The following CCDC158 variants were observed in gnomAD, a reference collection of about 807,000 sequenced individuals.
CCDC158 encodes the protein coiled-coil domain containing 158.
Under a neutral mutation model 138.6 loss-of-function variants are expected in CCDC158, and 116 were observed. The observed-to-expected ratio is 0.84, with a 90% confidence interval of 0.72 to 0.98. CCDC158 has a LOEUF of 0.98. CCDC158 is among the 50% of genes least tolerant of loss of function. The probability of loss-of-function intolerance (pLI) is 0.00; values close to 1 mark genes in which losing one functional copy is unlikely to be tolerated. For missense variants in CCDC158, 1,265 were observed against 1,306.1 expected, an observed-to-expected ratio of 0.97 and a Z score of 0.48; for synonymous variants, 436 against 442.4, an observed-to-expected ratio of 0.99 and a Z score of 0.18.
intron 1 of CCDC158, among the ~76,000 whole-genome samples, chr4:76,417,832 T>C (rs1174868509): frequency 1.3e-5 from 2 of 152,082 alleles, no homozygotes; most frequent in African/African-American, 4.8e-5. Context: ...TTAAAAGAAA[T>C]GCCATCACAA....
At chr4:76,359,525 T>C (rs939011938) in intron 13 of CCDC158, among the ~76,000 whole-genome samples, 1 of 152,210 alleles carries the variant, frequency 6.6e-6, no homozygotes, top group African/African-American at 2.4e-5. Context: ...AAGTCTCAGA[T>C]GGAGATGAGG....
At chr4:76,355,205 A>T in intron 15 of CCDC158, 119 bp downstream of exon 15, 1 of 677,482 alleles carries the variant, frequency 1.5e-6, no homozygotes, top group Non-Finnish European at 2.6e-6. Context: ...TTGTTCTCTC[A>T]CCTAGAAATA....
chr4:76,348,555 G>A (rs1164352768), intron 18 of CCDC158, among the ~76,000 whole-genome samples: 1 of 152,002 alleles, frequency 6.6e-6, no homozygotes, highest in Non-Finnish European at 1.5e-5. Flanking sequence ...TGAATCTAAG[G>A]GAAAACACAA....
intron 15 of CCDC158, among the ~76,000 whole-genome samples, chr4:76,354,624 C>A (rs1395488323): frequency 6.6e-6 from 1 of 152,096 alleles, no homozygotes; most frequent in Admixed American, 6.6e-5. Context: ...ACCACTAGGT[C>A]AAGGCAGAAA....
At chr4:76,415,882 A>G (rs981606421) in intron 1 of CCDC158, among the ~76,000 whole-genome samples, 3 of 152,142 alleles carry the variant, frequency 2.0e-5, no homozygotes, top group Admixed American at 6.5e-5. Flanking sequence ...CAGACCGGGA[A>G]AGGGAGTCTC....
chr4:76,372,409 C>T (rs1044959580), intron 9 of CCDC158, among the ~76,000 whole-genome samples: 28 of 152,308 alleles, frequency 1.8e-4, no homozygotes, highest in African/African-American at 6.0e-4. Context: ...TGTGTCCCTG[C>T]ACTCCAGCCT....
At chr4:76,378,290 A>G (rs1725902823) in intron 9 of CCDC158, among the ~76,000 whole-genome samples, 1 of 152,238 alleles carries the variant, frequency 6.6e-6, no homozygotes, top group Admixed American at 6.5e-5. Flanking sequence ...GCTTTCCTCC[A>G]TGTACTGTTA....
rs146454565 is a variant in CCDC158 at position 76,371,906 on chromosome 4, T to C, written c.1030-370A>G. ...TGAGTCAAGATCGTGCCATTGCACT[T>C]CAGCCTGGGTGACAAAAGTGAAACT... On this transcript the variant is annotated intron_variant, in intron 9 of 24. Coordinates refer to ENST00000682701, the MANE Select transcript of CCDC158 (RefSeq NM_001394954.1). Among the ~76,000 whole-genome samples, 78 of 148,010 alleles carry C rather than the reference T, an allele frequency of 5.3e-4. 1 individual carries two copies. The highest frequency in any genetic ancestry group is 1.9e-3 in the African/African-American group (74 of 39,592).
rs192975776 is a variant in CCDC158 at position 76,404,645 on chromosome 4, G to A, written c.-73-1365C>T. On this transcript the variant is annotated intron_variant, in intron 2 of 24. Coordinates refer to ENST00000682701, the MANE Select transcript of CCDC158 (RefSeq NM_001394954.1). ...AGACTGAATCACAAAGTACACAAGCGATGACAGGTTGTAATAAAAATTTAA... is the reference window on the plus strand; with the variant it reads ...AGACTGAATCACAAAGTACACAAGCAATGACAGGTTGTAATAAAAATTTAA... Among the ~76,000 whole-genome samples the A allele has an allele frequency of 3.9e-5, 6 of 152,222 alleles. No individual in the cohort carries two copies. In the East Asian group the frequency reaches 5.8e-4, roughly 15 times the overall value.
chr4:76,402,869 A>G (rs1408256477), intron 3 of CCDC158, among the ~76,000 whole-genome samples: 1 of 152,212 alleles, frequency 6.6e-6, no homozygotes, highest in Non-Finnish European at 1.5e-5. Flanking sequence ...GGCTAGGAAG[A>G]CACAGGAGGA....
chr4:76,345,756 GA>G (rs1253785353), intron 18 of CCDC158, among the ~76,000 whole-genome samples: 1 of 152,072 alleles, frequency 6.6e-6, no homozygotes, highest in Non-Finnish European at 1.5e-5. Flanking sequence ...CAAACAAATG[GA>G]AAAATATTTG....
At chr4:76,351,683 T>A (rs774200495) in intron 17 of CCDC158, 37 bp downstream of exon 17, 1 of 1,249,946 alleles carries the variant, frequency 8.0e-7, no homozygotes, top group Admixed American at 1.7e-5. Context: ...AAGAACGGCA[T>A]TATTTTCGCT....
chr4:76,386,343 C>A (rs149491965), intron 4 of CCDC158, among the ~76,000 whole-genome samples: 1 of 152,240 alleles, frequency 6.6e-6, no homozygotes, highest in South Asian at 2.1e-4. Flanking sequence ...ATTCACACTT[C>A]AGCTGTGACA....
At chr4:76,332,547 CT>C (rs1339289688) in intron 19 of CCDC158, 56 bp from the exon 20 acceptor site, 6 of 1,292,672 alleles carry the variant, frequency 4.6e-6, no homozygotes, top group African/African-American at 1.5e-5. Context: ...TCATCCATGT[CT>C]TTTTTAGACT....
At chr4:76,335,701 C>T (rs1233762000) in intron 18 of CCDC158, among the ~76,000 whole-genome samples, 1 of 152,052 alleles carries the variant, frequency 6.6e-6, no homozygotes, top group East Asian at 1.9e-4. Context: ...TGCCTCAGCA[C>T]CCCCAGTAGC....
chr4:76,350,686 T>G (rs1217320676), intron 18 of CCDC158, among the ~76,000 whole-genome samples: 1 of 152,198 alleles, frequency 6.6e-6, no homozygotes, highest in Non-Finnish European at 1.5e-5. Flanking sequence ...GACTATTAAA[T>G]ATACCACCAA....
At chr4:76,343,477 C>CA (rs1401851439) in intron 18 of CCDC158, among the ~76,000 whole-genome samples, 2 of 152,068 alleles carry the variant, frequency 1.3e-5, no homozygotes, top group Non-Finnish European at 2.9e-5. Flanking sequence ...TCAGGTAACA[C>CA]AAAAAATTAT....
chr4:76,313,155 T>C lies in CCDC158; in HGVS notation c.*15A>G. 6.4e-7 allele frequency: 1 copy of C among 1,556,058 alleles called. No homozygotes were observed. Among genetic ancestry groups the C allele is most frequent in the Non-Finnish European group, 8.8e-7 (1 of 1,135,150 alleles). ...TTGGGCCTCATTCCTCTGTAAAGAA[T>C]AGGCAAGCAACGAGTCATTTTAGTA... On this transcript the variant is annotated 3_prime_UTR_variant, in exon 25 of 25. Transcript: ENST00000682701.
intron 18 of CCDC158, among the ~76,000 whole-genome samples, chr4:76,348,853 G>T (rs1722807876): frequency 6.6e-6 from 1 of 152,116 alleles, no homozygotes; most frequent in Non-Finnish European, 1.5e-5. Flanking sequence ...ATTAATACGT[G>T]TGTTAGAGTC....
Sources: allele counts gnomAD v4.1 joint callset (sites outside exome capture counted in the v4.1 genomes callset), GRCh38; gene constraint gnomAD v4.1.1; transcripts MANE v1.5; gene names NCBI Gene and HGNC (gene_info 2026-07-23, HGNC 2026-07-21).